BCL9: variants seen among roughly 807,000 people sequenced by gnomAD.
The protein encoded by BCL9 is BCL9 transcription coactivator.
Under a neutral mutation model 88.5 loss-of-function variants are expected in BCL9, and 25 were observed. That is an observed-to-expected ratio of 0.28 (90% CI 0.21 to 0.39). The LOEUF is 0.39. Ranked by LOEUF, BCL9 falls within the 10% of genes least tolerant of loss-of-function variation. BCL9 has a pLI of 1.00. For missense variants in BCL9, 1,817 were observed against 1,877.8 expected, an observed-to-expected ratio of 0.97 and a Z score of 0.60; for synonymous variants, 711 against 673.3, an observed-to-expected ratio of 1.06 and a Z score of -0.87.
At chr1:147,572,344 T>C (rs1655924913) in intron 1 of BCL9, among the ~76,000 whole-genome samples, 1 of 152,134 alleles carries the variant, frequency 6.6e-6, no homozygotes, top group Non-Finnish European at 1.5e-5. Context: ...TCTTGTGGGG[T>C]ATAAGACTAA....
At chr1:147,590,490 G>A (rs587741828) in intron 1 of BCL9, among the ~76,000 whole-genome samples, 17 of 152,164 alleles carry the variant, frequency 1.1e-4, no homozygotes, top group African/African-American at 4.1e-4. Flanking sequence ...TCTGCCTGTT[G>A]TAGCTCTTTC....
chr1:147,600,766 T>G (rs997356358), intron 1 of BCL9, among the ~76,000 whole-genome samples: 7 of 114,608 alleles, frequency 6.1e-5, no homozygotes, highest in African/African-American at 2.5e-4. Context: ...AAGGGGACTT[T>G]GCAGGCCAGT....
Position 147,624,351 on chromosome 1 carries a change from C to T in BCL9, c.3673C>T (p.Arg1225Ter), listed in dbSNP as rs1658821172. 1 of 1,614,196 alleles carries T rather than the reference C, an allele frequency of 6.2e-7. No homozygotes were observed. The highest frequency in any genetic ancestry group is 8.5e-7 in the Non-Finnish European group (1 of 1,180,040). ...FTDPDLQEVI[R>*]PGATGIPEFD... The stretch of plus-strand genomic sequence containing the variant: ...AGACCCAGATCTGCAGGAGGTCATC[C>T]GACCTGGAGCCACCGGAATACCTGA... The change falls in exon 10 of 10, where the codon CGA becomes TGA. Residue 1225 changes from arginine to a stop codon, truncating the protein, a stop_gained. Coordinates refer to ENST00000234739, the MANE Select transcript of BCL9 (RefSeq NM_004326.4). LOFTEE classifies it high-confidence loss of function. The surrounding 1 kb of genome is among the most constrained non-coding windows in gnomAD (Gnocchi z 4.4).
intron 1 of BCL9, among the ~76,000 whole-genome samples, chr1:147,583,449 T>C (rs1656456337): frequency 6.6e-6 from 1 of 151,768 alleles, no homozygotes; most frequent in African/African-American, 2.4e-5. Context: ...AGCTAATTTT[T>C]GTATTTTTAG....
intron 1 of BCL9, among the ~76,000 whole-genome samples, chr1:147,572,006 C>T (rs587742499): frequency 1.3e-5 from 2 of 151,890 alleles, no homozygotes; most frequent in South Asian, 2.1e-4. Flanking sequence ...CTGAGGCGGG[C>T]GGATCATGGG....
intron 3 of BCL9, among the ~76,000 whole-genome samples, chr1:147,611,149 T>C (rs781801812): frequency 1.1e-4 from 16 of 152,196 alleles, no homozygotes; most frequent in Non-Finnish European, 2.2e-4. Context: ...TCAGTGCTGT[T>C]GTTTGCCATC....
intron 1 of BCL9, among the ~76,000 whole-genome samples, chr1:147,593,871 G>C (rs1656941506): frequency 6.6e-6 from 1 of 152,172 alleles, no homozygotes; most frequent in Admixed American, 6.5e-5. Context: ...CTGGGACCTA[G>C]AGTAAAATTT....
intron 1 of BCL9, among the ~76,000 whole-genome samples, chr1:147,603,001 C>T (rs1368904502): frequency 6.6e-6 from 1 of 152,208 alleles, no homozygotes; most frequent in Non-Finnish European, 1.5e-5. Flanking sequence ...AAACCACCTG[C>T]CCTAACCACT....
intron 1 of BCL9, among the ~76,000 whole-genome samples, chr1:147,603,712 T>C (rs1414725098): frequency 6.6e-6 from 1 of 151,842 alleles, no homozygotes; most frequent in African/African-American, 2.4e-5. Context: ...GTTTTCACCA[T>C]GTTGGCCAGG....
At chr1:147,547,381 T>C (rs1654653571) in intron 1 of BCL9, among the ~76,000 whole-genome samples, 1 of 152,146 alleles carries the variant, frequency 6.6e-6, no homozygotes, top group Non-Finnish European at 1.5e-5. Flanking sequence ...AAAGATATAA[T>C]TTAAAAATTT....
chr1:147,572,867 G>T lies in BCL9; in HGVS notation c.-478+31193G>T, dbSNP rs1471224205. 2.0e-5 allele frequency among the ~76,000 whole-genome samples: 3 copies of T among 152,286 alleles called. No individual in the cohort carries two copies. The South Asian group carries it at 6.2e-4, about 32-fold the overall frequency. ...ACTGCTGGGATTATAGGCGTGAGCCGCTACACATGGCCACAGGTAGAAGAA... is the reference window on the plus strand; with the variant it reads ...ACTGCTGGGATTATAGGCGTGAGCCTCTACACATGGCCACAGGTAGAAGAA... On this transcript the variant is annotated intron_variant, in intron 1 of 9. Transcript: ENST00000234739.
chr1:147,548,032 G>A (rs587651377), intron 1 of BCL9, among the ~76,000 whole-genome samples: 9 of 152,206 alleles, frequency 5.9e-5, no homozygotes, highest in South Asian at 2.1e-4. Context: ...TGAAAAATAC[G>A]CAAATTCAAA....
Position 147,565,816 on chromosome 1 carries a change from A to G in BCL9, c.-478+24142A>G, listed in dbSNP as rs61473262. 7.6e-3 allele frequency among the ~76,000 whole-genome samples: 1,159 copies of G among 152,278 alleles called. 16 individuals are homozygous for G. The highest frequency in any genetic ancestry group is 0.026 in the African/African-American group (1,096 of 41,554). The stretch of plus-strand genomic sequence containing the variant: ...AGCTCTTGGTATGTAGTAGGTGCCC[A>G]GTAGATATTTGACATAGCTCTTGGG... On this transcript the variant is annotated intron_variant, in intron 1 of 9. Transcript: ENST00000234739.
intron 3 of BCL9, among the ~76,000 whole-genome samples, chr1:147,607,995 G>A (rs1657808926): frequency 6.6e-6 from 1 of 152,080 alleles, no homozygotes; most frequent in Admixed American, 6.6e-5. Context: ...TGAGAGATCA[G>A]GTAAAAAAGG....
intron 4 of BCL9, 96 bp from the exon 5 acceptor site, chr1:147,612,787 G>T: frequency 2.4e-6 from 3 of 1,252,640 alleles, no homozygotes; most frequent in Non-Finnish European, 3.4e-6. Flanking sequence ...TAGTCCTAAG[G>T]GTCTCCTTGA....
Position 147,624,594 on chromosome 1 carries a change from A to G in BCL9, c.3916A>G (p.Thr1306Ala), listed in dbSNP as rs782067176. 1.2e-6 allele frequency: 2 copies of G among 1,614,144 alleles called. No homozygotes were observed. The highest frequency in any genetic ancestry group is 1.1e-5 in the South Asian group (1 of 91,082). The change falls in exon 10 of 10, where the codon ACA (threonine) becomes GCA (alanine). Residue 1306 changes from threonine (T) to alanine (A), a missense_variant. By Grantham distance (58) the Thr-to-Ala change is moderately conservative (BLOSUM62 0). Around this residue, in one of 2 missense-constraint regions of BCL9, gnomAD observed 589 missense variants for 686.2 expected, o/e 0.86. Coordinates refer to ENST00000234739, the MANE Select transcript of BCL9 (RefSeq NM_004326.4). This position sits in a 1 kb window ranked among gnomAD's most constrained non-coding sequence, Gnocchi z 4.4. ...GGGAACTCCGGACATCCCTCTTGGT[A>G]CAGCTCCATCCATGCCAGGCCACAA... ...PVGTPDIPLGTAPSMPGHNPM... is the reference protein window; with the variant it reads ...PVGTPDIPLGAAPSMPGHNPM...
In BCL9 at chr1:147,620,208, C is replaced by T. The variant is rs151150531; in HGVS notation, c.2053C>T (p.Pro685Ser). ...TTTCCCTCGAATACCAGTTGAGGGCCCTCTGAGTCCTTCTAGGGGTGACTT... is the reference window on the plus strand; with the variant it reads ...TTTCCCTCGAATACCAGTTGAGGGCTCTCTGAGTCCTTCTAGGGGTGACTT... ...PIFPRIPVEG[P>S]LSPSRGDFPK... Residue 685 changes from proline (P) to serine (S), a missense_variant, in exon 8 of 10, where the codon CCT (proline) becomes TCT (serine). Transcript: ENST00000234739. 14 of 1,613,900 alleles carry T rather than the reference C, an allele frequency of 8.7e-6. No individual in the cohort carries two copies. The African/African-American group carries it at 1.6e-4, about 18-fold the overall frequency.
intron 3 of BCL9, among the ~76,000 whole-genome samples, chr1:147,608,956 G>A (rs1202855595): frequency 1.3e-5 from 2 of 152,180 alleles, no homozygotes; most frequent in East Asian, 1.9e-4. Context: ...TGCAGAGCCC[G>A]TTTTCCCATC....
At chr1:147,609,851 T>C (rs587599965) in intron 3 of BCL9, among the ~76,000 whole-genome samples, 4 of 152,332 alleles carry the variant, frequency 2.6e-5, no homozygotes, top group African/African-American at 7.2e-5. Flanking sequence ...AAAAGAACTT[T>C]AAAACAAGGT....
Sources: gnomAD v4.1 joint callset for allele counts (sites outside exome capture counted in the v4.1 genomes callset) on GRCh38, gnomAD v4.1.1 for gene constraint, gnomAD v4.1.1 regional missense constraint, Gnocchi (gnomAD v3.1) non-coding constraint, MANE v1.5 for transcripts, NCBI Gene and HGNC (gene_info 2026-07-23, HGNC 2026-07-21) for gene names.